TECPR2: variants seen among roughly 807,000 people sequenced by gnomAD.
TECPR2 encodes the protein tectonin beta-propeller repeat-containing protein 2.
TECPR2 carries 65 observed loss-of-function variants against 138.1 expected under a neutral mutation model. The observed-to-expected ratio is 0.47, with a 90% CI of 0.39 to 0.58. TECPR2 has a LOEUF of 0.58. TECPR2 is among the 20% of genes least tolerant of loss of function. TECPR2 has a pLI of 0.00. For synonymous variants in TECPR2, 746 were observed against 749.8 expected, an observed-to-expected ratio of 0.99 and a Z score of 0.08; for missense variants, 1,553 against 1,824.5, an observed-to-expected ratio of 0.85 and a Z score of 2.71.
intron 6 of TECPR2, among the ~76,000 whole-genome samples, chr14:102,427,429 C>T (rs1378729259): frequency 6.6e-6 from 1 of 152,206 alleles, no homozygotes; most frequent in Admixed American, 6.5e-5. Context: ...CCAGTGGCAG[C>T]ATGACTGGCA....
chr14:102,471,992 C>G (rs1890662203), intron 17 of TECPR2, among the ~76,000 whole-genome samples: 1 of 152,222 alleles, frequency 6.6e-6, no homozygotes, highest in South Asian at 2.1e-4. Context: ...TAACATTGGA[C>G]TGTAAAGTTT....
chr14:102,434,761 C>T lies in TECPR2; in HGVS notation c.1944C>T (p.Leu648=), dbSNP rs1217749605. ...GTGAAGTCCCCCTCCTGAACTCACT[C>T]ACTGTGCCTTCCAGCCTCAGCTGGG... ...TFCEVPLLNS[L]TVPSSLSWAP... is the part of the protein sequence containing the mutation. The change falls in exon 9 of 20, where the codon CTC becomes CTT. Residue 648 remains leucine (L), a synonymous_variant. Transcript: ENST00000359520. 3.1e-6 allele frequency: 5 copies of T among 1,613,372 alleles called. No individual in the cohort carries two copies. The highest frequency in any genetic ancestry group is 4.2e-6 in the Non-Finnish European group (5 of 1,180,052).
intron 16 of TECPR2, among the ~76,000 whole-genome samples, chr14:102,456,538 G>A (rs1890279688): frequency 6.6e-6 from 1 of 151,496 alleles, no homozygotes; most frequent in Non-Finnish European, 1.5e-5. Context: ...ACACTGGAGG[G>A]CTCGAGGCCA....
chr14:102,491,053 C>A (rs1264288587), intron 17 of TECPR2, among the ~76,000 whole-genome samples: 3 of 152,128 alleles, frequency 2.0e-5, no homozygotes, highest in Non-Finnish European at 4.4e-5. Flanking sequence ...TGCCACCATG[C>A]CCGATTAATT....
chr14:102,481,705 G>C (rs1054443056), intron 17 of TECPR2, among the ~76,000 whole-genome samples: 1 of 152,206 alleles, frequency 6.6e-6, no homozygotes, highest in Non-Finnish European at 1.5e-5. Context: ...TGCCAATTTT[G>C]CCCTCTCTGG....
At chr14:102,480,606 A>G (rs1890869938) in intron 17 of TECPR2, among the ~76,000 whole-genome samples, 1 of 151,780 alleles carries the variant, frequency 6.6e-6, no homozygotes, top group Admixed American at 6.6e-5. Flanking sequence ...TATAACCACA[A>G]ACCCCTGGGC....
intron 1 of TECPR2, among the ~76,000 whole-genome samples, chr14:102,376,066 T>G (rs1887632480): frequency 6.6e-6 from 1 of 152,202 alleles, no homozygotes; most frequent in Non-Finnish European, 1.5e-5. Flanking sequence ...TCTTGAGCGC[T>G]GAGGAGGCTG....
chr14:102,473,725 G>T (rs1890696329), intron 17 of TECPR2, among the ~76,000 whole-genome samples: 1 of 152,188 alleles, frequency 6.6e-6, no homozygotes, highest in Non-Finnish European at 1.5e-5. Flanking sequence ...ACTTGCAAGG[G>T]TTTGGAGAAA....
chr14:102,373,109 T>A (rs568443102), intron 1 of TECPR2, among the ~76,000 whole-genome samples: 4 of 152,030 alleles, frequency 2.6e-5, no homozygotes, highest in African/African-American at 9.6e-5. Flanking sequence ...ATCCATGAAG[T>A]GGAGGTAACA....
chr14:102,474,355 T>C (rs1355298202), intron 17 of TECPR2, among the ~76,000 whole-genome samples: 2 of 152,178 alleles, frequency 1.3e-5, no homozygotes, highest in African/African-American at 4.8e-5. Context: ...CCGGGCACGG[T>C]GGCTCATGCC....
In TECPR2 at chr14:102,452,546, C is replaced by T. The variant is rs139083197; in HGVS notation, c.3559C>T (p.Leu1187Phe). The T allele has an allele frequency of 7.4e-6, 12 of 1,611,264 alleles. No individual in the cohort carries two copies. In the African/African-American group the frequency reaches 1.6e-4, roughly 21 times the overall value. Residue 1187 changes from leucine (L) to phenylalanine (F), a missense_variant, in exon 16 of 20, where the codon CTC becomes TTC. Physicochemically the swap from Leu to Phe is conservative, Grantham distance 22 (BLOSUM62 0). Transcript: ENST00000359520. ...GGATGCGCTGTGGGCGCTGGACAGCCTCGGCCAGGTGTTCATCAGGACGCT... is the reference window on the plus strand; with the variant it reads ...GGATGCGCTGTGGGCGCTGGACAGCTTCGGCCAGGTGTTCATCAGGACGCT... ...CQDALWALDS[L>F]GQVFIRTLSK... is the part of the protein sequence containing the mutation.
intron 2 of TECPR2, among the ~76,000 whole-genome samples, chr14:102,395,345 T>C (rs1476153695): frequency 6.6e-6 from 1 of 152,222 alleles, no homozygotes; most frequent in Non-Finnish European, 1.5e-5. Context: ...AATTACTCTA[T>C]TGAAGATTAA....
chr14:102,445,721 G>A lies in TECPR2; in HGVS notation c.2934-85G>A, dbSNP rs1198565875. 27 of 1,475,514 alleles carry A rather than the reference G, an allele frequency of 1.8e-5. No homozygotes were observed. In the East Asian group the frequency reaches 2.9e-4, roughly 16 times the overall value. The allele number at this position is 1,475,514 out of a possible 1,614,324, so 91.4% of individuals were successfully genotyped here. On this transcript the variant is annotated intron_variant, in intron 12 of 19. Transcript: ENST00000359520. ...GTCTCTTCTCCCAGCCACGCCTGCC[G>A]GGAGACCCTGGATGTCCGCAGTCCA...
chr14:102,380,189 C>T (rs1219520368), intron 2 of TECPR2, among the ~76,000 whole-genome samples: 5 of 131,328 alleles, frequency 3.8e-5, no homozygotes, highest in African/African-American at 1.5e-4. Context: ...CACAGAGGCA[C>T]CCTAGTCACA....
chr14:102,364,912 C>T (rs749834607), intron 1 of TECPR2, among the ~76,000 whole-genome samples: 35 of 152,144 alleles, frequency 2.3e-4, no homozygotes, highest in Non-Finnish European at 3.8e-4. Context: ...GAAGAGATTT[C>T]TAGATTCAGT....
chr14:102,494,078 C>T (rs1475396404), intron 17 of TECPR2, among the ~76,000 whole-genome samples: 1 of 152,188 alleles, frequency 6.6e-6, no homozygotes, highest in African/African-American at 2.4e-5. Context: ...CGTCCAATTG[C>T]CTGCTCTGGT....
rs28693059 is a variant in TECPR2, at chr14:102,426,588, G to A, written c.951+1297G>A. On this transcript the variant is annotated intron_variant, in intron 6 of 19. Coordinates refer to ENST00000359520, the MANE Select transcript of TECPR2 (RefSeq NM_014844.5). ...TTTTCAGCCAGGCGCAGTGGCTTAC[G>A]CCTGTAATCCCAGCACTTTGGGCAC... Among the ~76,000 whole-genome samples, 1,176 of 152,276 alleles carry A rather than the reference G, an allele frequency of 7.7e-3. 19 individuals carry two copies. Among genetic ancestry groups the A allele is most frequent in the African/African-American group, 0.026 (1,099 of 41,564 alleles).
At chr14:102,393,852 G>T (rs552299207) in intron 2 of TECPR2, among the ~76,000 whole-genome samples, 2 of 152,056 alleles carry the variant, frequency 1.3e-5, no homozygotes, top group African/African-American at 2.4e-5. Context: ...GAGCCACCGC[G>T]CCTGGTCATG....
At chr14:102,455,362 A>C (rs1890250823) in intron 16 of TECPR2, among the ~76,000 whole-genome samples, 1 of 152,030 alleles carries the variant, frequency 6.6e-6, no homozygotes, top group South Asian at 2.1e-4. Context: ...AGGTGTGGGG[A>C]CTCATGGCAG....
Sources: allele counts gnomAD v4.1 joint callset (sites outside exome capture counted in the v4.1 genomes callset), GRCh38; gene constraint gnomAD v4.1.1; transcripts MANE v1.5; gene names NCBI Gene and HGNC (gene_info 2026-07-23, HGNC 2026-07-21).